BOD1: variants seen among roughly 807,000 people sequenced by gnomAD.
The protein encoded by BOD1 is biorientation of chromosomes in cell division 1.
A neutral mutation model predicts 15.7 loss-of-function variants in BOD1; 11 were observed. That is an observed-to-expected ratio of 0.70 (90% CI 0.44 to 1.16). The LOEUF is 1.16. BOD1 is among the 50% of genes most tolerant of loss of function. BOD1 has a pLI of 0.00. For synonymous variants in BOD1, 105 were observed against 103.5 expected, an observed-to-expected ratio of 1.01 and a Z score of -0.09; for missense variants, 182 against 244.5, an observed-to-expected ratio of 0.74 and a Z score of 1.70.
chr5:173,616,080 C>A, intron 1 of BOD1, 120 bp downstream of exon 1: 2 of 1,308,532 alleles, frequency 1.5e-6, no homozygotes, highest in South Asian at 1.3e-5. Context: ...CGGTGTAAGA[C>A]CTCACCGCTG....
At chr5:173,609,187 T>A in intron 3 of BOD1, 51 bp downstream of exon 3, 2 of 1,471,070 alleles carry the variant, frequency 1.4e-6, no homozygotes, top group South Asian at 2.7e-5. Flanking sequence ...CCATTTTACA[T>A]ATCTACAAGC....
chr5:173,609,970 T>C (rs1334939042), intron 2 of BOD1, among the ~76,000 whole-genome samples: 1 of 152,246 alleles, frequency 6.6e-6, no homozygotes, highest in Non-Finnish European at 1.5e-5. Flanking sequence ...CTGTAGTTGC[T>C]ACCTGTAACA....
Position 173,616,534 on chromosome 5 carries a change from G to C in BOD1, c.-98C>G, listed in dbSNP as rs1157669234. On this transcript the variant is annotated 5_prime_UTR_variant, in exon 1 of 4. Coordinates refer to ENST00000311086, the MANE Select transcript of BOD1 (RefSeq NM_138369.3). ...AGGTGGTGAAGGGGGCGGTGAAGGA[G>C]GAGGGCCCCAAGGCGGCAGCGGCGG... 1.4e-6 allele frequency: 2 copies of C among 1,436,350 alleles called. No individual in the cohort carries two copies. The highest frequency in any genetic ancestry group is 1.8e-6 in the Non-Finnish European group (2 of 1,103,754). The allele number at this position is 1,436,350 out of a possible 1,614,324, so 89.0% of individuals were successfully genotyped here.
In BOD1 at chr5:173,613,192, C is replaced by A; in HGVS notation, c.301G>T (p.Glu101Ter). ...NFVSTHLDKQ[E>*]WNPTMNKNQL... ...TTTTTGTTCATCGTAGGATTCCATT[C>A]CTGCTTGTCCAGATGTGTTGACACA... The change falls in exon 2 of 4, where the codon GAA becomes TAA. Residue 101 changes from glutamate to a stop codon, truncating the protein, a stop_gained. Coordinates refer to ENST00000311086, the MANE Select transcript of BOD1 (RefSeq NM_138369.3). LOFTEE classifies it high-confidence loss of function. 6.2e-7 allele frequency: 1 copy of A among 1,614,152 alleles called. No individual in the cohort carries two copies.
intron 2 of BOD1, among the ~76,000 whole-genome samples, chr5:173,610,063 T>C (rs1279773186): frequency 1.8e-4 from 28 of 152,196 alleles, no homozygotes; most frequent in Admixed American, 1.8e-3. Flanking sequence ...ACATCCCCGA[T>C]CCTTTCTGAA....
At chr5:173,609,154 A>C (rs1330483370) in intron 3 of BOD1, 84 bp downstream of exon 3, 1 of 1,361,716 alleles carries the variant, frequency 7.3e-7, no homozygotes, top group East Asian at 2.3e-5. Flanking sequence ...ATGATCCTCA[A>C]TTACGGCCTA....
chr5:173,609,630 C>T (rs1755296110), intron 2 of BOD1, 196 bp from the exon 3 acceptor site: 1 of 570,508 alleles, frequency 1.8e-6, no homozygotes, highest in Non-Finnish European at 3.1e-6. Flanking sequence ...CAACCAGCAG[C>T]TGTTATTCCT....
chr5:173,608,739 G>T (rs192472662), intron 3 of BOD1, among the ~76,000 whole-genome samples: 25 of 152,276 alleles, frequency 1.6e-4, no homozygotes, highest in African/African-American at 5.5e-4. Context: ...TTAAAAAGGG[G>T]GAGTGTTCCT....
In BOD1 at chr5:173,608,175, G is replaced by T; in HGVS notation, c.*119C>A. The T allele has an allele frequency of 1.6e-6, 2 of 1,261,556 alleles. No homozygotes were observed. Among genetic ancestry groups the T allele is most frequent in the South Asian group, 2.4e-5 (2 of 82,458 alleles). The allele number at this position is 1,261,556 out of a possible 1,614,324, so 78.1% of individuals were successfully genotyped here. A position where few individuals can be genotyped will look rare whatever the true frequency, so the allele number is the denominator to read the frequency against. On this transcript the variant is annotated 3_prime_UTR_variant, in exon 4 of 4. Transcript: ENST00000311086. ...CAATCTGGTCACTGCCCATGGTCAA[G>T]GTTGAAATCTTGAGATCAGTGACGA...
At position 173,609,339 on chromosome 5, in the gene BOD1, AT is replaced by A; in HGVS notation, c.457del (p.Ile153PhefsTer41). The A allele has an allele frequency of 6.2e-7, 1 of 1,614,206 alleles. No individual in the cohort carries two copies. Among genetic ancestry groups the A allele is most frequent in the Non-Finnish European group, 8.5e-7 (1 of 1,180,026 alleles). On this transcript the variant is annotated frameshift_variant, in exon 3 of 4. Transcript: ENST00000311086. LOFTEE classifies it high-confidence loss of function. ...TTTCTGGGCCGCCAGGAACTCATGA[AT>A]TGCTCGTTCTATTTGTGGCCTGAAG... ...HIFRPQIERA[I>X]HEFLAAQKKA... is the part of the protein sequence containing the mutation.
intron 2 of BOD1, among the ~76,000 whole-genome samples, chr5:173,611,598 A>G (rs1472465651): frequency 6.6e-6 from 1 of 152,224 alleles, no homozygotes; most frequent in Non-Finnish European, 1.5e-5. Flanking sequence ...TGATTAGTAT[A>G]AAAGTCAGGA....
rs926746237 is a variant in BOD1, at chr5:173,616,584, T to A, written c.-148A>T. On this transcript the variant is annotated 5_prime_UTR_variant, in exon 1 of 4. Transcript: ENST00000311086. ...GAGGTGGCGATGGCGGCAGGGGCGG[T>A]GGTGGGGGCGGCGGCGGCGAAGGCC... 7.3e-7 allele frequency: 1 copy of A among 1,362,112 alleles called. No homozygotes were observed. Among genetic ancestry groups the A allele is most frequent in the African/African-American group, 1.6e-5 (1 of 64,342 alleles). The allele number at this position is 1,362,112 out of a possible 1,614,324, so 84.4% of individuals were successfully genotyped here.
rs35299200 is a variant in BOD1, at chr5:173,611,532, G to GA, written c.362+1598dup. Among the ~76,000 whole-genome samples, 129 of 144,372 alleles carry GA rather than the reference G, an allele frequency of 8.9e-4. 1 individual carries two copies. Among genetic ancestry groups the GA allele is most frequent in the South Asian group, 5.7e-3 (26 of 4,544 alleles). 94.7% of individuals were successfully genotyped at this position (144,372 alleles called of 152,430 possible). On this transcript the variant is annotated intron_variant, in intron 2 of 3. Transcript: ENST00000311086. ...ATTCTAAGTCAAATCAAAAAGCAGG[G>GA]AAAAAAAAAAAAACAACAACTTCAC...
At position 173,616,457 on chromosome 5, in the gene BOD1, A is replaced by G. The variant is rs774653695; in HGVS notation, c.-21T>C. On this transcript the variant is annotated 5_prime_UTR_variant, in exon 1 of 4. Coordinates refer to ENST00000311086, the MANE Select transcript of BOD1 (RefSeq NM_138369.3). ...GCCATGGCTGCGCCCCGGGCCCACAAGGGAGAACGACTATAGCTTCTTCTC... is the reference window on the plus strand; with the variant it reads ...GCCATGGCTGCGCCCCGGGCCCACAGGGGAGAACGACTATAGCTTCTTCTC... 3 of 1,559,420 alleles carry G rather than the reference A, an allele frequency of 1.9e-6. No homozygotes were observed. Among genetic ancestry groups the G allele is most frequent in the Admixed American group, 1.8e-5 (1 of 55,794 alleles).
In BOD1 at chr5:173,616,385, T is replaced by C. The variant is rs1415480947; in HGVS notation, c.52A>G (p.Thr18Ala). Residue 18 changes from threonine (T) to alanine (A), a missense_variant, in exon 1 of 4, where the codon ACT (threonine) becomes GCT (alanine). By Grantham distance (58) the Thr-to-Ala change is moderately conservative. Transcript: ENST00000311086. ...GCTGCCCCGGCAGAGGCCTGGCTAG[T>C]TCCGCCGCCGCCCACCGCGCCAGTT... ...GGTGAVGGGG[T>A]SQASAGAATG... The C allele has an allele frequency of 2.0e-6, 3 of 1,519,680 alleles. No homozygotes were observed. Among genetic ancestry groups the C allele is most frequent in the Non-Finnish European group, 2.6e-6 (3 of 1,142,344 alleles). The allele number at this position is 1,519,680 out of a possible 1,614,324, so 94.1% of individuals were successfully genotyped here.
intron 2 of BOD1, among the ~76,000 whole-genome samples, chr5:173,612,552 G>C (rs972302815): frequency 6.6e-6 from 1 of 152,174 alleles, no homozygotes; most frequent in Admixed American, 6.5e-5. Context: ...TCACTAATGT[G>C]TTCTCCCATT....
Position 173,613,265 on chromosome 5 carries a change from TAA to T in BOD1, c.238-12_238-11del, listed in dbSNP as rs756315174. ...GGTTTTGGTAAGCTGGCTAAAATGTTAAAAAGAGGAGGCAAGGTCAGAAGTTA... is the reference window on the plus strand; with the variant it reads ...GGTTTTGGTAAGCTGGCTAAAATGTTAAAGAGGAGGCAAGGTCAGAAGTTA... On this transcript the variant is annotated splice_polypyrimidine_tract_variant and intron_variant, in intron 1 of 3. Transcript: ENST00000311086. The T allele has an allele frequency of 6.2e-7, 1 of 1,609,300 alleles. No homozygotes were observed. Among genetic ancestry groups the T allele is most frequent in the Non-Finnish European group, 8.5e-7 (1 of 1,177,016 alleles).
In BOD1 at chr5:173,612,935, C is replaced by T. The variant is rs374272767; in HGVS notation, c.362+196G>A. Among the ~76,000 whole-genome samples, 8 of 152,340 alleles carry T rather than the reference C, an allele frequency of 5.3e-5. No homozygotes were observed. The East Asian group carries it at 1.2e-3, about 22-fold the overall frequency. ...GATGCACACAGGAGGCCTTCACAGGCTGCAGAAACTGGAATTTCAACTGAG... is the reference window on the plus strand; with the variant it reads ...GATGCACACAGGAGGCCTTCACAGGTTGCAGAAACTGGAATTTCAACTGAG... On this transcript the variant is annotated intron_variant, in intron 2 of 3. Coordinates refer to ENST00000311086, the MANE Select transcript of BOD1 (RefSeq NM_138369.3).
At chr5:173,609,510 C>T (rs544882927) in intron 2 of BOD1, 76 bp from the exon 3 acceptor site, 22 of 1,404,530 alleles carry the variant, frequency 1.6e-5, no homozygotes, top group Middle Eastern at 1.9e-4. Context: ...GTGTCACGTG[C>T]GAGCCCAATA....
Sources: gnomAD v4.1 joint callset for allele counts (sites outside exome capture counted in the v4.1 genomes callset) on GRCh38, gnomAD v4.1.1 for gene constraint, MANE v1.5 for transcripts, NCBI Gene and HGNC (gene_info 2026-07-23, HGNC 2026-07-21) for gene names.